UBE3B: variants seen among roughly 807,000 people sequenced by gnomAD.
UBE3B encodes ubiquitin protein ligase E3B, also known as ubiquitin-protein ligase E3B.
UBE3B carries 80 observed loss-of-function variants against 132.3 expected under a neutral mutation model. The observed-to-expected ratio is 0.60, with a 90% CI of 0.50 to 0.73. UBE3B has a LOEUF of 0.73. UBE3B is among the 30% of genes least tolerant of loss of function. UBE3B has a pLI of 0.00. For synonymous variants in UBE3B, 487 were observed against 520.4 expected (o/e 0.94, Z 0.87); for missense variants, 1,196 against 1,362.5 (o/e 0.88, Z 1.92).
chr12:109,503,696 C>T (rs948612959), intron 14 of UBE3B, among the ~76,000 whole-genome samples: 7 of 152,126 alleles, frequency 4.6e-5, no homozygotes, highest in African/African-American at 1.7e-4. Flanking sequence ...ATGGATATGC[C>T]CAACATTTTC....
At chr12:109,489,851 C>T in intron 7 of UBE3B, 68 bp from the exon 8 acceptor site, 1 of 1,422,002 alleles carries the variant, frequency 7.0e-7, no homozygotes, top group South Asian at 1.2e-5. Flanking sequence ...GACACAATTT[C>T]CTGTCCCACA....
chr12:109,543,389 C>A, the UBE3B span, among the ~76,000 whole-genome samples: 2 of 150,372 alleles, frequency 1.3e-5, no homozygotes. Context: ...CGGCTGGTAA[C>A]ACAGCAGGAC....
chr12:109,514,290 C>T (rs1880729949), intron 18 of UBE3B, among the ~76,000 whole-genome samples: 1 of 152,162 alleles, frequency 6.6e-6, no homozygotes, highest in Non-Finnish European at 1.5e-5. Flanking sequence ...CATTCCATCC[C>T]CCTGCCCACC....
In UBE3B at chr12:109,491,103, C is replaced by A. The variant is rs998323772; in HGVS notation, c.689C>A (p.Thr230Lys). 2 of 1,614,092 alleles carry A rather than the reference C, an allele frequency of 1.2e-6. No homozygotes were observed. Among genetic ancestry groups the A allele is most frequent in the Non-Finnish European group, 1.7e-6 (2 of 1,179,938 alleles). Reference protein sequence around the residue: ...PRPCLSKGTLTAAFSLALRPV... With the variant: ...PRPCLSKGTLKAAFSLALRPV... ...CCTTGTCTATCCAAAGGCACTTTAACAGCAGCTTTTTCTCTAGCGTTACGG... is the reference window on the plus strand; with the variant it reads ...CCTTGTCTATCCAAAGGCACTTTAAAAGCAGCTTTTTCTCTAGCGTTACGG... Residue 230 changes from threonine (T) to lysine (K), a missense_variant, in exon 9 of 28, where the codon ACA becomes AAA. By Grantham distance (78) the Thr-to-Lys change is moderately conservative (BLOSUM62 -1). Coordinates refer to ENST00000342494, the MANE Select transcript of UBE3B (RefSeq NM_130466.4).
chr12:109,519,860 C>G (rs984407016), intron 19 of UBE3B: 1 of 144,512 alleles, frequency 6.9e-6, no homozygotes, highest in Non-Finnish European at 1.5e-5. Flanking sequence ...TTTCCCTTGC[C>G]CACTAACTTT....
chr12:109,519,587 C>T (rs897544486), intron 19 of UBE3B: 4 of 152,236 alleles, frequency 2.6e-5, no homozygotes, highest in African/African-American at 7.2e-5. Flanking sequence ...AATTTTAAAG[C>T]AGGTTGGAGG....
chr12:109,482,766 C>A (rs540346480), intron 2 of UBE3B, among the ~76,000 whole-genome samples: 206 of 152,252 alleles, frequency 1.4e-3, no homozygotes, highest in African/African-American at 4.8e-3. Context: ...TAGATAAAAA[C>A]TTAGTATATA....
At chr12:109,506,183 A>G (rs1879647122) in intron 14 of UBE3B, among the ~76,000 whole-genome samples, 1 of 152,206 alleles carries the variant, frequency 6.6e-6, no homozygotes, top group African/African-American at 2.4e-5. Context: ...TTAACATAAT[A>G]GAATAATAGA....
intron 18 of UBE3B, among the ~76,000 whole-genome samples, chr12:109,516,057 C>T (rs537138482): frequency 1.3e-5 from 2 of 152,084 alleles, no homozygotes; most frequent in African/African-American, 2.4e-5. Context: ...TATTGATTTC[C>T]CTTAAAGCAG....
chr12:109,490,036 T>G, intron 8 of UBE3B, 32 bp downstream of exon 8: 1 of 1,593,218 alleles, frequency 6.3e-7, no homozygotes, highest in Non-Finnish European at 8.6e-7. Flanking sequence ...GTGTGCAACT[T>G]CTCCACTCTC....
chr12:109,483,865 GA>G lies in UBE3B; in HGVS notation c.167del (p.Glu56GlyfsTer49). 6.2e-7 allele frequency: 1 copy of G among 1,610,044 alleles called. No individual in the cohort carries two copies. Reference protein sequence around the residue: ...RSRLQRDIRREIDDFFKADDP... With the variant: ...RSRLQRDIRRXIDDFFKADDP... ...TTTTTGCACTTTCTTTTCTAGGAGAGAGATTGATGACTTTTTTAAAGCAGAT... is the reference window on the plus strand; with the variant it reads ...TTTTTGCACTTTCTTTTCTAGGAGAGGATTGATGACTTTTTTAAAGCAGAT... On this transcript the variant is annotated frameshift_variant, in exon 4 of 28. Coordinates refer to ENST00000342494, the MANE Select transcript of UBE3B (RefSeq NM_130466.4). LOFTEE classifies it high-confidence loss of function.
At chr12:109,517,887 G>A (rs777374306) in intron 19 of UBE3B, 6 of 430,466 alleles carry the variant, frequency 1.4e-5, no homozygotes, top group East Asian at 7.3e-5. Context: ...TCGGTGCATC[G>A]TACCTTGTTT....
Position 109,486,023 on chromosome 12 carries a change from G to A in UBE3B, c.294G>A (p.Lys98=). ...GTGTCTCTTTGCAGAGATTTGAGAA[G>A]TTGTGTCGCAGCATCCTGAGCAGCA... ...RIKEDNERFE[K]LCRSILSSMD... The change falls in exon 5 of 28, where the codon AAG becomes AAA. Residue 98 remains lysine, a synonymous_variant. Transcript: ENST00000342494. 1 of 1,554,100 alleles carries A rather than the reference G, an allele frequency of 6.4e-7. No individual in the cohort carries two copies. The highest frequency in any genetic ancestry group is 8.7e-7 in the Non-Finnish European group (1 of 1,148,092).
chr12:109,487,324 G>A (rs535920092), intron 6 of UBE3B, among the ~76,000 whole-genome samples: 1 of 152,338 alleles, frequency 6.6e-6, no homozygotes, highest in South Asian at 2.1e-4. Flanking sequence ...ATACACAGGA[G>A]CCACTTCCAC....
chr12:109,523,453 G>A (rs1336100156), intron 21 of UBE3B, among the ~76,000 whole-genome samples: 7 of 152,130 alleles, frequency 4.6e-5, no homozygotes, highest in East Asian at 1.9e-4. Flanking sequence ...CATTGCTTCC[G>A]TGCCCTCCAT....
rs778467025 is a variant in UBE3B, at chr12:109,526,382, G to A, written c.2593G>A (p.Gly865Arg). 4 of 1,613,994 alleles carry A rather than the reference G, an allele frequency of 2.5e-6. No individual in the cohort carries two copies. The highest frequency in any genetic ancestry group is 3.4e-6 in the Non-Finnish European group (4 of 1,180,034). ...GQLVCHELIPGGKTIPVTNEN... is the reference protein window; with the variant it reads ...GQLVCHELIPRGKTIPVTNEN... The stretch of plus-strand genomic sequence containing the variant: ...GCTTGTTTGCCATGAACTGATTCCT[G>A]GAGGGAAGACCATTCCTGTTACAAA... The change falls in exon 24 of 28, where the codon GGA (glycine) becomes AGA (arginine). Residue 865 changes from glycine to arginine, a missense_variant. By Grantham distance (125) the Gly-to-Arg change is moderately radical. Transcript: ENST00000342494.
At chr12:109,508,947 G>C (rs10437846) in intron 15 of UBE3B, 29,652 of 165,234 alleles carry the variant, frequency 0.18, 2,863 homozygotes, top group Middle Eastern at 0.26. Context: ...AATGTTCCTT[G>C]ATATGCAGAC....
At chr12:109,487,710 A>T (rs1357369362) in intron 6 of UBE3B, among the ~76,000 whole-genome samples, 1 of 152,336 alleles carries the variant, frequency 6.6e-6, no homozygotes, top group African/African-American at 2.4e-5. Flanking sequence ...ACAAACAAAA[A>T]AAGTTTATGC....
At chr12:109,483,766 GATAA>G in intron 3 of UBE3B, 54 bp downstream of exon 3, 2 of 1,577,982 alleles carry the variant, frequency 1.3e-6, no homozygotes, top group Non-Finnish European at 8.6e-7. Flanking sequence ...ATTAATAGCA[GATAA>G]ATGAGTTTTT....
Sources: gnomAD v4.1 joint callset for allele counts (sites outside exome capture counted in the v4.1 genomes callset) on GRCh38, gnomAD v4.1.1 for gene constraint, MANE v1.5 for transcripts, NCBI Gene and HGNC (gene_info 2026-07-23, HGNC 2026-07-21) for gene names.